The following GPC5 variants were observed in gnomAD, a reference collection of about 807,000 sequenced individuals.
The protein encoded by GPC5 is glypican-5.
A neutral mutation model predicts 53.9 loss-of-function variants in GPC5; 47 were observed. The ratio of observed to expected loss-of-function variants is 0.87; its 90% CI spans 0.69 to 1.11. The LOEUF (loss-of-function observed/expected upper bound fraction) is 1.11. Among genes scored for constraint, GPC5 ranks in the 50% most tolerant of loss-of-function variants. The pLI is 0.00. For missense variants in GPC5, 748 were observed against 713.1 expected, an observed-to-expected ratio of 1.05 and a Z score of -0.56; for synonymous variants, 286 against 263.3, an observed-to-expected ratio of 1.09 and a Z score of -0.84.
intron 7 of GPC5, among the ~76,000 whole-genome samples, chr13:92,650,936 G>T (rs1885937895): frequency 6.6e-6 from 1 of 151,990 alleles, no homozygotes; most frequent in Non-Finnish European, 1.5e-5. Flanking sequence ...GGTGTGTGTT[G>T]TTCCCCTCCC....
intron 7 of GPC5, among the ~76,000 whole-genome samples, chr13:92,394,594 G>A (rs1233230142): frequency 2.6e-5 from 4 of 152,120 alleles, no homozygotes; most frequent in Non-Finnish European, 4.4e-5. Flanking sequence ...ATTAATTTCT[G>A]TTTTTCATGA....
At chr13:92,522,090 A>C (rs543594681) in intron 7 of GPC5, among the ~76,000 whole-genome samples, 3 of 152,230 alleles carry the variant, frequency 2.0e-5, no homozygotes, top group Non-Finnish European at 4.4e-5. Context: ...ACCAGTTAGA[A>C]TGGCGATCGT....
At chr13:92,698,640 C>T (rs1487363777) in intron 7 of GPC5, among the ~76,000 whole-genome samples, 2 of 152,268 alleles carry the variant, frequency 1.3e-5, no homozygotes, top group East Asian at 1.9e-4. Context: ...GTGCATGTGT[C>T]TTTATAGCAG....
intron 1 of GPC5, among the ~76,000 whole-genome samples, chr13:91,410,209 G>A (rs1484755734): frequency 6.6e-6 from 1 of 152,004 alleles, no homozygotes; most frequent in East Asian, 1.9e-4. Context: ...AAGGCGGTTT[G>A]TAAACAGTAA....
intron 2 of GPC5, among the ~76,000 whole-genome samples, chr13:91,494,533 T>C (rs371321068): frequency 2.6e-4 from 40 of 152,214 alleles, no homozygotes; most frequent in Middle Eastern, 3.4e-3. Context: ...ACCCTTGCTG[T>C]CTGCAATTTC....
chr13:91,591,757 G>T (rs7322283), intron 2 of GPC5, among the ~76,000 whole-genome samples: 135,513 of 152,186 alleles, frequency 0.89, 61,145 homozygotes, highest in Non-Finnish European at 0.96. Context: ...ATTATGAAAT[G>T]CTTGTAATTA....
At chr13:92,461,737 C>T (rs953730091) in intron 7 of GPC5, among the ~76,000 whole-genome samples, 1 of 152,164 alleles carries the variant, frequency 6.6e-6, no homozygotes, top group Non-Finnish European at 1.5e-5. Flanking sequence ...AGGATGATGC[C>T]AACTTACAAA....
At chr13:91,747,713 G>A (rs1385435776) in intron 4 of GPC5, among the ~76,000 whole-genome samples, 3 of 150,530 alleles carry the variant, frequency 2.0e-5, no homozygotes, top group Non-Finnish European at 2.9e-5. Context: ...ATAAATGTTT[G>A]GAAACAGGTG....
intron 6 of GPC5, among the ~76,000 whole-genome samples, chr13:92,023,592 C>T (rs2040776236): frequency 6.6e-6 from 1 of 151,042 alleles, no homozygotes; most frequent in Non-Finnish European, 1.5e-5. Context: ...ATTGAGATTC[C>T]ATACTTGGTG....
At chr13:91,559,576 T>C (rs1447231039) in intron 2 of GPC5, among the ~76,000 whole-genome samples, 1 of 152,174 alleles carries the variant, frequency 6.6e-6, no homozygotes, top group East Asian at 1.9e-4. Context: ...TGGGAAAGAA[T>C]AGAATCCTGA....
At chr13:92,445,176 T>A (rs9523673) in intron 7 of GPC5, among the ~76,000 whole-genome samples, 3 of 148,788 alleles carry the variant, frequency 2.0e-5, no homozygotes, top group East Asian at 2.0e-4. Context: ...TCCTTTCTCC[T>A]TTTCTTTCCT....
At chr13:91,433,738 A>G (rs898652328) in intron 1 of GPC5, among the ~76,000 whole-genome samples, 9 of 152,140 alleles carry the variant, frequency 5.9e-5, no homozygotes, top group Non-Finnish European at 8.8e-5. Context: ...GCTGGGTCAA[A>G]TGGTATTTCT....
chr13:92,430,484 G>A (rs1877037378), intron 7 of GPC5, among the ~76,000 whole-genome samples: 1 of 152,088 alleles, frequency 6.6e-6, no homozygotes, highest in African/African-American at 2.4e-5. Context: ...AATCTCACCT[G>A]CATCTGAATC....
intron 6 of GPC5, among the ~76,000 whole-genome samples, chr13:92,114,464 G>A (rs7986858): frequency 0.52 from 79,371 of 152,024 alleles, 22,244 homozygotes; most frequent in African/African-American, 0.73. Context: ...GTGTTTTCCC[G>A]GGATAAGAGG....
chr13:92,626,277 G>A (rs1451073164), intron 7 of GPC5, among the ~76,000 whole-genome samples: 4 of 152,050 alleles, frequency 2.6e-5, no homozygotes, highest in Admixed American at 2.0e-4. Flanking sequence ...CATTCCTCAG[G>A]AACCCAAACA....
chr13:92,250,425 A>G (rs574326437), intron 7 of GPC5, among the ~76,000 whole-genome samples: 125 of 152,272 alleles, frequency 8.2e-4, no homozygotes, highest in African/African-American at 2.9e-3. Flanking sequence ...AATGTGGTGC[A>G]TAAAGGTCCT....
chr13:92,184,107 T>C (rs2042166239), intron 7 of GPC5, among the ~76,000 whole-genome samples: 1 of 152,128 alleles, frequency 6.6e-6, no homozygotes, highest in African/African-American at 2.4e-5. Context: ...CTTTTGCTTA[T>C]GGTGTATTAT....
At chr13:92,424,811 T>TATTCATTCATTC (rs552617474) in intron 7 of GPC5, among the ~76,000 whole-genome samples, 11 of 82,742 alleles carry the variant, frequency 1.3e-4, no homozygotes, top group African/African-American at 6.5e-4. Flanking sequence ...AATATTCATC[T>TATTCATTCATTC]ATTCATTCAT....
Position 91,448,816 on chromosome 13 carries a change from G to A in GPC5, c.219G>A (p.Met73Ile), listed in dbSNP as rs754305211. ...SKKPTCCTRK[M>I]EERYQIAARQ... Reference sequence around the variant, plus strand: ...AGCCTACATGTTGCACCAGGAAGATGGAGGAGAGATATCAGATTGCGGCTC... The same window carrying A: ...AGCCTACATGTTGCACCAGGAAGATAGAGGAGAGATATCAGATTGCGGCTC... Residue 73 changes from methionine to isoleucine, a missense_variant, in exon 2 of 8, where the codon ATG becomes ATA. By Grantham distance (10) the Met-to-Ile change is conservative (BLOSUM62 1). Coordinates refer to ENST00000377067, the MANE Select transcript of GPC5 (RefSeq NM_004466.6). 3 of 1,613,640 alleles carry A rather than the reference G, an allele frequency of 1.9e-6. No individual in the cohort carries two copies. Among genetic ancestry groups the A allele is most frequent in the Admixed American group, 3.3e-5 (2 of 59,936 alleles).
Sources: gnomAD v4.1 joint callset for allele counts (sites outside exome capture counted in the v4.1 genomes callset) on GRCh38, gnomAD v4.1.1 for gene constraint, MANE v1.5 for transcripts, NCBI Gene and HGNC (gene_info 2026-07-23, HGNC 2026-07-21) for gene names.